The following MRTFB variants were observed in gnomAD, a reference collection of about 807,000 sequenced individuals.
MRTFB encodes myocardin-related transcription factor B.
In MRTFB, 29 loss-of-function variants were observed where a neutral mutation model predicts 104.2. That is an observed-to-expected ratio of 0.28 (90% CI 0.21 to 0.38). The LOEUF is 0.38. Among genes scored for constraint, MRTFB ranks in the 10% least tolerant of loss-of-function variants. MRTFB has a pLI of 1.00. For synonymous variants in MRTFB, 535 were observed against 519.5 expected, an observed-to-expected ratio of 1.03 and a Z score of -0.41; for missense variants, 1,270 against 1,341.6, an observed-to-expected ratio of 0.95 and a Z score of 0.83.
In MRTFB at chr16:14,142,142, T is replaced by A. The variant is rs368731795; in HGVS notation, c.154+1382T>A. On this transcript the variant is annotated intron_variant, in intron 3 of 16. Transcript: ENST00000571589. The stretch of plus-strand genomic sequence containing the variant: ...GCCTGAGTCACAGCACCCGGCCAAT[T>A]TTGATAGGTTTAAAGCAGCATCTTA... 10 of 152,082 alleles carry A rather than the reference T, an allele frequency of 6.6e-5. No individual in the cohort carries two copies. The East Asian group carries it at 9.7e-4, about 15-fold the overall frequency. 9.4% of individuals were successfully genotyped at this position (152,082 alleles called of 1,614,324 possible). A position where few individuals can be genotyped will look rare whatever the true frequency, so the allele number is the denominator to read the frequency against.
chr16:14,144,562 G>A (rs1265718246), intron 3 of MRTFB: 4 of 151,792 alleles, frequency 2.6e-5, no homozygotes, highest in Non-Finnish European at 5.9e-5. Flanking sequence ...TTGTCACCAC[G>A]AAAAAAATAG....
chr16:14,120,431 TC>T (rs774261956), intron 2 of MRTFB, among the ~76,000 whole-genome samples: 28 of 152,358 alleles, frequency 1.8e-4, no homozygotes, highest in Non-Finnish European at 2.8e-4. Context: ...CTGTTTTTTT[TC>T]AGTGTAGGTC....
rs1247106936 is a variant in MRTFB at position 14,265,102 on chromosome 16, A to C, written c.*3658A>C. The C allele has an allele frequency of 1.3e-5, 2 of 152,184 alleles. No homozygotes were observed. Among genetic ancestry groups the C allele is most frequent in the Non-Finnish European group, 2.9e-5 (2 of 68,040 alleles). The allele number at this position is 152,184 out of a possible 1,614,324, so 9.4% of individuals were successfully genotyped here. A position where few individuals can be genotyped will look rare whatever the true frequency, so the allele number is the denominator to read the frequency against. ...CATCCTCACTGGCTTCCATGCACCCACCTGACGGTAGCCTCACAGAAGTCC... is the reference window on the plus strand; with the variant it reads ...CATCCTCACTGGCTTCCATGCACCCCCCTGACGGTAGCCTCACAGAAGTCC... On this transcript the variant is annotated 3_prime_UTR_variant, in exon 17 of 17. Transcript: ENST00000571589.
At position 14,218,052 on chromosome 16, in the gene MRTFB, T is replaced by C. The variant is rs528422190; in HGVS notation, c.514+765T>C. Among the ~76,000 whole-genome samples the C allele has an allele frequency of 2.0e-5, 3 of 152,122 alleles. No homozygotes were observed. In the South Asian group the frequency reaches 6.2e-4, roughly 32 times the overall value. ...GCCCCATTTTCCTCCTTGTCACGTTTTTTTGTTTGTTTGTTTTTCTTTTTT... is the reference window on the plus strand; with the variant it reads ...GCCCCATTTTCCTCCTTGTCACGTTCTTTTGTTTGTTTGTTTTTCTTTTTT... On this transcript the variant is annotated intron_variant, in intron 7 of 16. Transcript: ENST00000571589.
At chr16:14,027,666 A>G in the MRTFB span, among the ~76,000 whole-genome samples, 5 of 152,186 alleles carry the variant, frequency 3.3e-5, no homozygotes, top group East Asian at 9.6e-4. Context: ...AAGATGGTAC[A>G]TGGGAGCTCT....
At chr16:14,176,419 A>T (rs1475832090) in intron 3 of MRTFB, among the ~76,000 whole-genome samples, 1 of 152,230 alleles carries the variant, frequency 6.6e-6, no homozygotes, top group Non-Finnish European at 1.5e-5. Context: ...ATAAAAGGTT[A>T]GACACATCCA....
At chr16:14,023,058 CTTATG>C in the MRTFB span, among the ~76,000 whole-genome samples, 1 of 151,916 alleles carries the variant, frequency 6.6e-6, no homozygotes, top group Non-Finnish European at 1.5e-5. Flanking sequence ...TTTATTTGCT[CTTATG>C]TTGTGTGGTT....
intron 1 of MRTFB, among the ~76,000 whole-genome samples, chr16:14,077,089 T>C (rs2034108229): frequency 6.6e-6 from 1 of 152,256 alleles, no homozygotes; most frequent in Non-Finnish European, 1.5e-5. Context: ...CTTTCATGTA[T>C]TTTGGTATAA....
At chr16:14,247,800 A>G in intron 12 of MRTFB, 1 of 345,786 alleles carries the variant, frequency 2.9e-6, no homozygotes, top group Middle Eastern at 8.2e-4. Context: ...CATTGTGATC[A>G]TAGTCTGCCG....
At chr16:14,048,154 T>C in the MRTFB span, among the ~76,000 whole-genome samples, 1 of 152,236 alleles carries the variant, frequency 6.6e-6, no homozygotes, top group African/African-American at 2.4e-5. Flanking sequence ...AGTCAAATCT[T>C]AAAGCCCCAA....
At chr16:14,010,266 C>T in the MRTFB span, among the ~76,000 whole-genome samples, 1 of 152,074 alleles carries the variant, frequency 6.6e-6, no homozygotes, top group Non-Finnish European at 1.5e-5. Flanking sequence ...CAAGGATCTT[C>T]TATTCATATG....
chr16:14,124,729 T>C (rs574274306), intron 2 of MRTFB, among the ~76,000 whole-genome samples: 1 of 152,358 alleles, frequency 6.6e-6, no homozygotes, highest in African/African-American at 2.4e-5. Context: ...TTTCTTTTTT[T>C]GTTGTGTCTC....
upstream of MRTFB, among the ~76,000 whole-genome samples, chr16:14,070,898 C>T (rs988483066): frequency 6.6e-6 from 1 of 152,220 alleles, no homozygotes; most frequent in African/African-American, 2.4e-5. Context: ...TTTTTCCTCT[C>T]TCTAGAATGG....
At chr16:14,036,160 A>G in the MRTFB span, among the ~76,000 whole-genome samples, 2 of 122,032 alleles carry the variant, frequency 1.6e-5, no homozygotes, top group South Asian at 4.9e-4. Flanking sequence ...TATATATTAT[A>G]TAAAATATAT....
At chr16:14,241,022 T>C (rs1357507204) in intron 10 of MRTFB, 1 of 505,540 alleles carries the variant, frequency 2.0e-6, no homozygotes, top group African/African-American at 2.0e-5. Flanking sequence ...AAACAAAGAA[T>C]CTGATTAATT....
At chr16:14,036,157 T>C in the MRTFB span, among the ~76,000 whole-genome samples, 1 of 120,382 alleles carries the variant, frequency 8.3e-6, no homozygotes, top group African/African-American at 3.2e-5. Flanking sequence ...TAATATATAT[T>C]ATATAAAATA....
the MRTFB span, among the ~76,000 whole-genome samples, chr16:14,054,901 C>A: frequency 6.6e-6 from 1 of 152,200 alleles, no homozygotes; most frequent in Non-Finnish European, 1.5e-5. Context: ...GTAAACTGAG[C>A]ACCTCATTAA....
At chr16:14,254,067 G>C (rs1205424177) in intron 15 of MRTFB, among the ~76,000 whole-genome samples, 1 of 152,158 alleles carries the variant, frequency 6.6e-6, no homozygotes, top group Non-Finnish European at 1.5e-5. Flanking sequence ...TGTAACCTAA[G>C]ACAGCTGATT....
chr16:14,141,466 C>T (rs1341177504), intron 3 of MRTFB: 1 of 152,138 alleles, frequency 6.6e-6, no homozygotes, highest in African/African-American at 2.4e-5. Context: ...TCTAAGCATG[C>T]ACATTAAAAA....
Sources: gnomAD v4.1 joint callset for allele counts (sites outside exome capture counted in the v4.1 genomes callset) on GRCh38, gnomAD v4.1.1 for gene constraint, MANE v1.5 for transcripts, NCBI Gene and HGNC (gene_info 2026-07-23, HGNC 2026-07-21) for gene names.